ADAM32: variants seen among roughly 807,000 people sequenced by gnomAD.
ADAM32 encodes the protein ADAM metallopeptidase domain 32.
A neutral mutation model predicts 114.9 loss-of-function variants in ADAM32; 89 were observed. The observed-to-expected ratio is 0.77, with a 90% CI of 0.65 to 0.92. The LOEUF is 0.92. Ranked by LOEUF, ADAM32 falls within the 40% of genes least tolerant of loss-of-function variation. ADAM32 has a pLI of 0.00. For synonymous variants in ADAM32, 285 were observed against 307.5 expected (o/e 0.93, Z 0.77); for missense variants, 870 against 932.8 (o/e 0.93, Z 0.88).
chr8:39,215,659 AG>A (rs1808506851), intron 12 of ADAM32, among the ~76,000 whole-genome samples: 3 of 152,056 alleles, frequency 2.0e-5, no homozygotes. Flanking sequence ...TGAATTCAGG[AG>A]CATATTGTTT....
rs559204277 is a variant in ADAM32, at chr8:39,276,138, G to C, written c.2279+272G>C. On this transcript the variant is annotated intron_variant, in intron 22 of 24. Coordinates refer to ENST00000379907, the MANE Select transcript of ADAM32 (RefSeq NM_145004.7). ...AAACATTTTTGGTGAAATGTTTAAG[G>C]AGCTAATTCATAAAAAGGATCTTTT... The C allele has an allele frequency of 1.4e-4, 49 of 343,862 alleles. 1 individual carries two copies. Among genetic ancestry groups the C allele is most frequent in the African/African-American group, 9.5e-4 (45 of 47,496 alleles). The allele number at this position is 343,862 out of a possible 1,614,324, so 21.3% of individuals were successfully genotyped here.
At chr8:39,284,724 C>T in intron 24 of ADAM32, 69 bp from the exon 25 acceptor site, 7 of 1,567,142 alleles carry the variant, frequency 4.5e-6, no homozygotes, top group Non-Finnish European at 6.1e-6. Context: ...AATACCTCAG[C>T]TGCTTGTACA....
Position 39,241,316 on chromosome 8 carries a change from G to A in ADAM32, c.1819-4767G>A, listed in dbSNP as rs571564259. 2.0e-4 allele frequency among the ~76,000 whole-genome samples: 30 copies of A among 152,344 alleles called. 1 individual carries two copies. The highest frequency in any genetic ancestry group is 3.3e-4 in the Admixed American group (5 of 15,304). On this transcript the variant is annotated intron_variant, in intron 16 of 24. Coordinates refer to ENST00000379907, the MANE Select transcript of ADAM32 (RefSeq NM_145004.7). ...AGGCAAACAGTGCAAGCTGTAGGTG[G>A]ATCTACCATTCTGGGGTCTGGAGGA... is the stretch of plus-strand genomic sequence containing the variant.
intron 12 of ADAM32, among the ~76,000 whole-genome samples, chr8:39,214,205 G>A (rs2129448481): frequency 6.6e-6 from 1 of 152,138 alleles, no homozygotes; most frequent in East Asian, 1.9e-4. Context: ...ACATACCTAG[G>A]AGTGGGATTG....
chr8:39,254,635 T>C, intron 18 of ADAM32, 119 bp downstream of exon 18: 1 of 694,698 alleles, frequency 1.4e-6, no homozygotes, highest in East Asian at 3.2e-5. Context: ...AAAAAGGTAA[T>C]CAGAATTCTC....
At chr8:39,275,687 CT>C (rs1018941482) in intron 21 of ADAM32, 140 bp from the exon 22 acceptor site, 1 of 747,302 alleles carries the variant, frequency 1.3e-6, no homozygotes. Context: ...ATTTAGTAGT[CT>C]TTTGAAATTA....
chr8:39,205,330 G>A (rs1274342170), intron 11 of ADAM32, among the ~76,000 whole-genome samples: 1 of 152,204 alleles, frequency 6.6e-6, no homozygotes, highest in Non-Finnish European at 1.5e-5. Flanking sequence ...GCAATGGCAG[G>A]CGCCCCTCCC....
chr8:39,260,654 A>G (rs1811964548), intron 19 of ADAM32, among the ~76,000 whole-genome samples: 1 of 152,250 alleles, frequency 6.6e-6, no homozygotes, highest in Non-Finnish European at 1.5e-5. Context: ...TCAGTTCACT[A>G]GTATTTTGTT....
At chr8:39,214,313 A>G (rs1422317535) in intron 12 of ADAM32, among the ~76,000 whole-genome samples, 1 of 152,166 alleles carries the variant, frequency 6.6e-6, no homozygotes, top group African/African-American at 2.4e-5. Flanking sequence ...AACAGTGTAC[A>G]AGTATTCCCT....
At chr8:39,145,653 G>T (rs539060330) in intron 3 of ADAM32, among the ~76,000 whole-genome samples, 6 of 152,030 alleles carry the variant, frequency 3.9e-5, no homozygotes, top group Non-Finnish European at 7.4e-5. Flanking sequence ...TCAAGAAGGG[G>T]AATGTGGTCC....
intron 3 of ADAM32, among the ~76,000 whole-genome samples, chr8:39,142,539 CTTCTGGCTTGTAGGGT>C (rs1046262145): frequency 5.3e-5 from 8 of 152,326 alleles, no homozygotes; most frequent in African/African-American, 1.9e-4. Flanking sequence ...CCCCCACTCT[CTTCTGGCTTGTAGGGT>C]TTCTGCCGAG....
chr8:39,196,224 T>G (rs575484562), intron 11 of ADAM32, among the ~76,000 whole-genome samples: 2 of 152,214 alleles, frequency 1.3e-5, no homozygotes, highest in East Asian at 3.9e-4. Context: ...TGTTGATCAG[T>G]TTTTAGAGTT....
At chr8:39,210,960 TAAG>T (rs1313478346) in intron 11 of ADAM32, among the ~76,000 whole-genome samples, 181 bp from the exon 12 acceptor site, 1 of 152,156 alleles carries the variant, frequency 6.6e-6, no homozygotes, top group Non-Finnish European at 1.5e-5. Context: ...TTTGTTTTAT[TAAG>T]AACATGTATT....
intron 16 of ADAM32, among the ~76,000 whole-genome samples, chr8:39,234,539 T>C (rs1440926827): frequency 6.6e-6 from 1 of 152,228 alleles, no homozygotes; most frequent in Non-Finnish European, 1.5e-5. Context: ...CTGAGATATC[T>C]CAACTGTACA....
intron 10 of ADAM32, among the ~76,000 whole-genome samples, chr8:39,179,202 C>T (rs1178451859): frequency 2.0e-5 from 3 of 152,098 alleles, no homozygotes; most frequent in African/African-American, 7.2e-5. Context: ...GATCAGAGTT[C>T]TGGTCTGGAC....
intron 2 of ADAM32, among the ~76,000 whole-genome samples, chr8:39,134,731 A>C (rs1346059471): frequency 1.3e-5 from 2 of 152,214 alleles, no homozygotes; most frequent in Non-Finnish European, 2.9e-5. Context: ...AAGGTATTTC[A>C]TGATAACTCC....
intron 19 of ADAM32, among the ~76,000 whole-genome samples, chr8:39,266,843 G>C (rs1812391417): frequency 6.6e-6 from 1 of 152,134 alleles, no homozygotes; most frequent in African/African-American, 2.4e-5. Flanking sequence ...TACATTCTCT[G>C]ATACCTTAAG....
At chr8:39,153,032 G>A (rs889375926) in intron 6 of ADAM32, among the ~76,000 whole-genome samples, 1 of 152,174 alleles carries the variant, frequency 6.6e-6, no homozygotes, top group Non-Finnish European at 1.5e-5. Context: ...AAGGTAAAAT[G>A]AGCCTTGCTT....
intron 11 of ADAM32, among the ~76,000 whole-genome samples, chr8:39,202,389 T>A (rs1807486981): frequency 6.6e-6 from 1 of 152,242 alleles, no homozygotes; most frequent in South Asian, 2.1e-4. Flanking sequence ...TATCTGTTTC[T>A]TCTAGATTTT....
Sources: allele counts gnomAD v4.1 joint callset (sites outside exome capture counted in the v4.1 genomes callset), GRCh38; gene constraint gnomAD v4.1.1; transcripts MANE v1.5; gene names NCBI Gene and HGNC (gene_info 2026-07-23, HGNC 2026-07-21).